Variants in C16orf96 observed in about 807,000 individuals in gnomAD.
The protein encoded by C16orf96 is uncharacterized protein C16orf96.
A neutral mutation model predicts 103.6 loss-of-function variants in C16orf96; 108 were observed. That is an observed-to-expected ratio of 1.04 (90% confidence interval 0.89 to 1.22). The LOEUF (loss-of-function observed/expected upper bound fraction) is 1.22. C16orf96 is among the 50% of genes most tolerant of loss of function. The pLI is 0.00. For missense variants in C16orf96, 1,586 were observed against 1,464.2 expected (o/e 1.08, Z -1.36); for synonymous variants, 566 against 593.5 (o/e 0.95, Z 0.67).
At chr16:4,557,006 G>C (rs2059272326) in intron 1 of C16orf96, 97 bp downstream of exon 1, 4 of 1,350,928 alleles carry the variant, frequency 3.0e-6, no homozygotes, top group Admixed American at 5.6e-5. Context: ...GTCTCGCTCT[G>C]TCACCCAGGC....
the C16orf96 span, among the ~76,000 whole-genome samples, chr16:4,541,682 T>C: frequency 1.3e-5 from 2 of 152,186 alleles, no homozygotes; most frequent in Non-Finnish European, 1.5e-5. Context: ...GTGTTTAAAA[T>C]GGCCCTTAGT....
At chr16:4,561,407 C>G (rs1007944155) in intron 1 of C16orf96, 1 of 152,240 alleles carries the variant, frequency 6.6e-6, no homozygotes, top group African/African-American at 2.4e-5. Context: ...AAAATTGTTA[C>G]TAGAGACAGG....
chr16:4,558,280 C>G lies in C16orf96; in HGVS notation c.420+1371C>G, dbSNP rs981749569. On this transcript the variant is annotated intron_variant, in intron 1 of 15. Transcript: ENST00000444310. ...TGACCCCTGCTAACCCCGACCAGCA[C>G]GTGGACAGTGTTCAGTTACTGGCAG... 3.9e-5 allele frequency among the ~76,000 whole-genome samples: 6 copies of G among 152,276 alleles called. No homozygotes were observed. In the Middle Eastern group the frequency reaches 0.017, roughly 432 times the overall value.
upstream of C16orf96, among the ~76,000 whole-genome samples, chr16:4,554,709 A>G (rs12927473): frequency 0.026 from 3,882 of 148,392 alleles, 155 homozygotes; most frequent in East Asian, 0.12. Flanking sequence ...CTGGAGTGCA[A>G]TGGCACAATC....
chr16:4,589,810 C>G (rs962284233), intron 9 of C16orf96, among the ~76,000 whole-genome samples: 1 of 152,012 alleles, frequency 6.6e-6, no homozygotes, highest in African/African-American at 2.4e-5. Context: ...TGAAATGTCA[C>G]CATTTCTGTA....
At chr16:4,579,292 C>T (rs1459899603) in intron 6 of C16orf96, among the ~76,000 whole-genome samples, 1 of 152,044 alleles carries the variant, frequency 6.6e-6, no homozygotes, top group African/African-American at 2.4e-5. Context: ...GTGGCTCATA[C>T]CTGTAATCCC....
the C16orf96 span, among the ~76,000 whole-genome samples, chr16:4,550,954 G>A: frequency 7.2e-5 from 11 of 152,306 alleles, no homozygotes; most frequent in African/African-American, 2.6e-4. Flanking sequence ...TTGAATCATT[G>A]CAGATTCCCA....
At chr16:4,594,908 C>A in intron 14 of C16orf96, 105 bp downstream of exon 14, 1 of 1,222,922 alleles carries the variant, frequency 8.2e-7, no homozygotes, top group Non-Finnish European at 1.1e-6. Context: ...TATCCCTGAC[C>A]GGGGAGTCCT....
chr16:4,583,207 C>T (rs899507302), intron 7 of C16orf96, among the ~76,000 whole-genome samples: 8 of 151,912 alleles, frequency 5.3e-5, no homozygotes. Flanking sequence ...CATTGCACTC[C>T]AGCCTGGGCA....
chr16:4,556,632 G>A lies in C16orf96; in HGVS notation c.143G>A (p.Gly48Asp), dbSNP rs1596510109. 1.3e-6 allele frequency: 2 copies of A among 1,551,698 alleles called. No homozygotes were observed. The highest frequency in any genetic ancestry group is 1.7e-6 in the Non-Finnish European group (2 of 1,146,988). ...HMAELKKVLSGDEDFLQTSQV... is the reference protein window; with the variant it reads ...HMAELKKVLSDDEDFLQTSQV... ...GCCGAGCTCAAGAAAGTCCTCTCAG[G>A]CGATGAGGACTTCCTGCAGACCTCG... The change falls in exon 1 of 16, where the codon GGC becomes GAC. Residue 48 changes from glycine to aspartate, a missense_variant. Physicochemically the swap from Gly to Asp is moderately conservative, Grantham distance 94 (BLOSUM62 -1). Transcript: ENST00000444310.
At chr16:4,585,403 G>A (rs1467539533) in intron 7 of C16orf96, among the ~76,000 whole-genome samples, 3 of 152,036 alleles carry the variant, frequency 2.0e-5, no homozygotes, top group Admixed American at 2.0e-4. Context: ...ACTGCAGTGA[G>A]CTGTGATCAA....
chr16:4,559,191 C>CT (rs1440240719), intron 1 of C16orf96, among the ~76,000 whole-genome samples: 2 of 152,054 alleles, frequency 1.3e-5, no homozygotes, highest in Non-Finnish European at 2.9e-5. Flanking sequence ...GCTGGATCTC[C>CT]CTGGGAGTCA....
At chr16:4,592,954 T>G (rs912415213) in intron 11 of C16orf96, among the ~76,000 whole-genome samples, 2 of 152,230 alleles carry the variant, frequency 1.3e-5, no homozygotes, top group Admixed American at 6.5e-5. Flanking sequence ...GGATCATAGG[T>G]GTATGCCACC....
At chr16:4,599,017 G>T (rs138508953) in intron 14 of C16orf96, among the ~76,000 whole-genome samples, 2 of 151,972 alleles carry the variant, frequency 1.3e-5, no homozygotes, top group Non-Finnish European at 2.9e-5. Context: ...TACTCGGGAG[G>T]CTGAGTTAGG....
intron 14 of C16orf96, among the ~76,000 whole-genome samples, chr16:4,595,513 G>T (rs1897151850): frequency 6.6e-6 from 1 of 152,198 alleles, no homozygotes; most frequent in Non-Finnish European, 1.5e-5. Flanking sequence ...TCCATCACTG[G>T]GTTCGAAGGA....
At chr16:4,570,846 T>C (rs2059430263) in intron 1 of C16orf96, among the ~76,000 whole-genome samples, 2 of 152,060 alleles carry the variant, frequency 1.3e-5, no homozygotes, top group African/African-American at 4.8e-5. Context: ...CTGCTTCCCC[T>C]TTTGCCCTCC....
rs770310627 is a variant in C16orf96, at chr16:4,600,281, C to T, written c.3390C>T (p.Val1130=). ...LSRAPHIESR[V]GRKPPEEPAN... Reference sequence around the variant, plus strand: ...GAGCTCCACACATTGAGTCCCGAGTCGGCAGGAAGCCCCCCGAGGAGCCCG... The same window carrying T: ...GAGCTCCACACATTGAGTCCCGAGTTGGCAGGAAGCCCCCCGAGGAGCCCG... The change falls in exon 16 of 16, where the codon GTC becomes GTT. Residue 1130 remains valine (V), a synonymous_variant. Transcript: ENST00000444310. The T allele has an allele frequency of 2.5e-5, 39 of 1,551,026 alleles. No individual in the cohort carries two copies. Among genetic ancestry groups the T allele is most frequent in the African/African-American group, 4.1e-5 (3 of 73,018 alleles).
At chr16:4,540,693 C>G in the C16orf96 span, among the ~76,000 whole-genome samples, 1 of 151,904 alleles carries the variant, frequency 6.6e-6, no homozygotes, top group Non-Finnish European at 1.5e-5. Context: ...CACCACTGCT[C>G]TCCAGCCTGG....
the C16orf96 span, among the ~76,000 whole-genome samples, chr16:4,539,892 C>A: frequency 6.6e-6 from 1 of 152,244 alleles, no homozygotes; most frequent in African/African-American, 2.4e-5. Context: ...TTCTTGCATC[C>A]TTCAACACCC....
Sources: gnomAD v4.1 joint callset for allele counts (sites outside exome capture counted in the v4.1 genomes callset) on GRCh38, gnomAD v4.1.1 for gene constraint, MANE v1.5 for transcripts, NCBI Gene and HGNC (gene_info 2026-07-23, HGNC 2026-07-21) for gene names.